ZNF578: variants seen among roughly 807,000 people sequenced by gnomAD.
The protein encoded by ZNF578 is zinc finger protein 578, also known as Putative chemokine-related protein B42.
ZNF578 carries 8 observed loss-of-function variants against 8.3 expected under a neutral mutation model. The observed-to-expected ratio is 0.96, with a 90% CI of 0.56 to 1.74. The LOEUF is 1.74. Ranked by LOEUF, ZNF578 falls within the 40% of genes most tolerant of loss-of-function variation. The probability of loss-of-function intolerance (pLI) is 0.00; values close to 1 mark genes in which losing one functional copy is unlikely to be tolerated. For synonymous variants in ZNF578, 206 were observed against 232.2 expected (o/e 0.89, Z 1.03); for missense variants, 726 against 707.5 (o/e 1.03, Z -0.30).
intron 2 of ZNF578, among the ~76,000 whole-genome samples, 194 bp from the exon 3 acceptor site, chr19:52,491,130 T>C (rs1209587066): frequency 1.3e-5 from 2 of 152,202 alleles, no homozygotes; most frequent in Non-Finnish European, 2.9e-5. Context: ...CAGGCTTCCA[T>C]AGAAATGATT....
At chr19:52,501,758 C>G in intron 3 of ZNF578, 69 bp from the exon 4 acceptor site, 1 of 1,531,278 alleles carries the variant, frequency 6.5e-7, no homozygotes. Flanking sequence ...CTCCCCGTTC[C>G]TGTGTTTTTA....
chr19:52,500,596 C>T (rs1471821916), intron 3 of ZNF578, among the ~76,000 whole-genome samples: 5 of 151,896 alleles, frequency 3.3e-5, no homozygotes, highest in South Asian at 2.1e-4. Context: ...TTGGCTGGGA[C>T]GGTGTCGACC....
At chr19:52,470,238 G>C (rs575132457) in intron 2 of ZNF578, among the ~76,000 whole-genome samples, 3 of 152,238 alleles carry the variant, frequency 2.0e-5, no homozygotes, top group African/African-American at 7.2e-5. Context: ...AGGCAATGCT[G>C]ATTCTTCTCA....
At chr19:52,496,131 G>T (rs1478499835) in intron 3 of ZNF578, among the ~76,000 whole-genome samples, 2 of 149,904 alleles carry the variant, frequency 1.3e-5, no homozygotes, top group African/African-American at 4.9e-5. Context: ...GGAATTCTCT[G>T]CCTCAGCCTC....
intron 5 of ZNF578, among the ~76,000 whole-genome samples, chr19:52,505,250 C>T (rs1400765841): frequency 2.0e-5 from 3 of 151,942 alleles, no homozygotes; most frequent in African/African-American, 7.2e-5. Flanking sequence ...ATGTTCATCC[C>T]ATAAACTAAT....
intron 2 of ZNF578, among the ~76,000 whole-genome samples, chr19:52,484,787 C>G (rs1377895424): frequency 6.6e-6 from 1 of 151,554 alleles, no homozygotes; most frequent in East Asian, 2.0e-4. Context: ...AACAACCCCC[C>G]TTTGACTGTA....
chr19:52,480,947 T>C (rs1005569849), intron 2 of ZNF578, among the ~76,000 whole-genome samples: 4 of 146,970 alleles, frequency 2.7e-5, no homozygotes, highest in African/African-American at 1.0e-4. Context: ...ATAATAATAA[T>C]TTGGCACCAA....
intron 2 of ZNF578, among the ~76,000 whole-genome samples, chr19:52,459,612 T>TACACACACACACACACACACAC (rs71180468): frequency 8.4e-6 from 1 of 118,780 alleles, no homozygotes; most frequent in African/African-American, 3.3e-5. Context: ...AATGTGTATG[T>TACACACACACACACACACACAC]ACACACACAC....
chr19:52,490,830 C>T (rs2059362780), intron 2 of ZNF578, among the ~76,000 whole-genome samples: 2 of 152,036 alleles, frequency 1.3e-5, no homozygotes, highest in African/African-American at 4.8e-5. Flanking sequence ...CTTATCTTCT[C>T]TGTGCTATGA....
intron 2 of ZNF578, among the ~76,000 whole-genome samples, chr19:52,463,396 G>C (rs887156919): frequency 6.6e-6 from 1 of 152,152 alleles, no homozygotes; most frequent in Non-Finnish European, 1.5e-5. Flanking sequence ...ATCTTGTCAG[G>C]TGCCAACCTT....
intron 2 of ZNF578, among the ~76,000 whole-genome samples, chr19:52,470,209 C>T (rs921671474): frequency 6.6e-6 from 1 of 152,142 alleles, no homozygotes; most frequent in African/African-American, 2.4e-5. Flanking sequence ...ATGGCCTCCT[C>T]TGAGGCAGAT....
chr19:52,513,558 G>A lies in ZNF578; in HGVS notation c.*1404G>A, dbSNP rs190691915. Among the ~76,000 whole-genome samples, 46 of 151,360 alleles carry A rather than the reference G, an allele frequency of 3.0e-4. No individual in the cohort carries two copies. Among genetic ancestry groups the A allele is most frequent in the African/African-American group, 9.7e-4 (40 of 41,308 alleles). On this transcript the variant is annotated 3_prime_UTR_variant, in exon 6 of 6. Coordinates refer to ENST00000421239, the MANE Select transcript of ZNF578 (RefSeq NM_001099694.2). ...GTCCTGGCTAACACGGTGAAACCTC[G>A]TCTCTACTAAAAATACAAAAACTTA...
At chr19:52,490,599 G>C (rs1340159002) in intron 2 of ZNF578, among the ~76,000 whole-genome samples, 1 of 151,964 alleles carries the variant, frequency 6.6e-6, no homozygotes, top group Non-Finnish European at 1.5e-5. Flanking sequence ...CATGGATATA[G>C]GTAATTTTAA....
chr19:52,484,094 T>C (rs1287739830), intron 2 of ZNF578, among the ~76,000 whole-genome samples: 1 of 152,008 alleles, frequency 6.6e-6, no homozygotes, highest in Non-Finnish European at 1.5e-5. Flanking sequence ...AGTAGAGAGG[T>C]CAGCAGGAAA....
At chr19:52,479,581 G>A (rs561864784) in intron 2 of ZNF578, among the ~76,000 whole-genome samples, 1 of 149,434 alleles carries the variant, frequency 6.7e-6, no homozygotes, top group Middle Eastern at 3.6e-3. Context: ...GAAACTTCTC[G>A]TTCCCAGTAC....
chr19:52,496,243 C>T (rs983119452), intron 3 of ZNF578, among the ~76,000 whole-genome samples: 1 of 152,054 alleles, frequency 6.6e-6, no homozygotes, highest in Non-Finnish European at 1.5e-5. Flanking sequence ...TTCTTGAACT[C>T]ATGACCTCGT....
rs995392982 is a variant in ZNF578, at chr19:52,511,787, A to C, written c.1406A>C (p.Asn469Thr). 5.0e-6 allele frequency: 8 copies of C among 1,612,958 alleles called. No individual in the cohort carries two copies. In the African/African-American group the frequency reaches 1.1e-4, roughly 22 times the overall value. The change falls in exon 6 of 6, where the codon AAC (asparagine) becomes ACC (threonine). Residue 469 changes from asparagine to threonine, a missense_variant. Transcript: ENST00000421239. ...GACAGAGTTTTCAGTCAGAAATCAA[A>C]CCTTGAGAGACACAAGATAATTCAT... ...ECDRVFSQKS[N>T]LERHKIIHTG... is the part of the protein sequence containing the mutation.
intron 3 of ZNF578, among the ~76,000 whole-genome samples, chr19:52,499,550 A>T (rs181364993): frequency 3.3e-5 from 5 of 152,336 alleles, no homozygotes; most frequent in Admixed American, 3.3e-4. Flanking sequence ...TGTACTTCCG[A>T]AAACTTAGCT....
Position 52,515,334 on chromosome 19 carries a change from C to A in ZNF578, c.*3180C>A, listed in dbSNP as rs116363788. Among the ~76,000 whole-genome samples the A allele has an allele frequency of 4.3e-3, 658 of 152,242 alleles. 3 individuals carry two copies. Among genetic ancestry groups the A allele is most frequent in the African/African-American group, 0.015 (637 of 41,532 alleles). ...ACAGCTGACCCTCTTTCACTGTTTC[C>A]AAGGTCAATAGCTGTGTGTTCACAC... is the stretch of plus-strand genomic sequence containing the variant. On this transcript the variant is annotated 3_prime_UTR_variant, in exon 6 of 6. Coordinates refer to ENST00000421239, the MANE Select transcript of ZNF578 (RefSeq NM_001099694.2).
Sources: gnomAD v4.1 joint callset for allele counts (sites outside exome capture counted in the v4.1 genomes callset) on GRCh38, gnomAD v4.1.1 for gene constraint, MANE v1.5 for transcripts, NCBI Gene and HGNC (gene_info 2026-07-23, HGNC 2026-07-21) for gene names.